The following ADAMTS17 variants were observed in gnomAD, a reference collection of about 807,000 sequenced individuals.
ADAMTS17 encodes the protein A disintegrin and metalloproteinase with thrombospondin motifs 17.
Under a neutral mutation model 141.5 loss-of-function variants are expected in ADAMTS17, and 113 were observed. That is an observed-to-expected ratio of 0.80 (90% CI 0.69 to 0.93). The LOEUF is 0.93. ADAMTS17 is among the 40% of genes least tolerant of loss of function. The probability of loss-of-function intolerance (pLI) is 0.00; values close to 1 mark genes in which losing one functional copy is unlikely to be tolerated. For synonymous variants in ADAMTS17, 768 were observed against 630.6 expected, an observed-to-expected ratio of 1.22 and a Z score of -3.27; for missense variants, 1,659 against 1,517.9, an observed-to-expected ratio of 1.09 and a Z score of -1.54.
intron 7 of ADAMTS17, among the ~76,000 whole-genome samples, chr15:100,208,820 G>C (rs977111442): frequency 2.6e-5 from 4 of 152,188 alleles, no homozygotes; most frequent in Admixed American, 6.5e-5. Context: ...ATTTAGATAA[G>C]GGTATGTCTT....
intron 18 of ADAMTS17, among the ~76,000 whole-genome samples, chr15:100,048,052 C>G (rs373280208): frequency 2.0e-5 from 3 of 152,160 alleles, no homozygotes; most frequent in African/African-American, 4.8e-5. Context: ...GGTGCAAAAG[C>G]CAAATATGTT....
chr15:100,110,866 CCT>C (rs1469504801), intron 13 of ADAMTS17, among the ~76,000 whole-genome samples: 1 of 152,114 alleles, frequency 6.6e-6, no homozygotes, highest in Non-Finnish European at 1.5e-5. Flanking sequence ...CTGCAGAGTT[CCT>C]GTCAGAGCAG....
chr15:99,985,409 A>G (rs982170629), intron 20 of ADAMTS17, among the ~76,000 whole-genome samples: 6 of 152,220 alleles, frequency 3.9e-5, no homozygotes, highest in African/African-American at 1.4e-4. Context: ...ATATTCTTCA[A>G]TAAGGACTCA....
At position 99,992,568 on chromosome 15, in the gene ADAMTS17, T is replaced by C. The variant is rs142562563; in HGVS notation, c.2949+480A>G. On this transcript the variant is annotated intron_variant, in intron 20 of 21. Coordinates refer to ENST00000268070, the MANE Select transcript of ADAMTS17 (RefSeq NM_139057.4). ...TATTCACCCTTGCTCTCGGGAGTGC[T>C]GACCCGGCGGTTCTGTGATACTCCT... Among the ~76,000 whole-genome samples, 68 of 152,366 alleles carry C rather than the reference T, an allele frequency of 4.5e-4. 1 individual carries two copies. Among genetic ancestry groups the C allele is most frequent in the African/African-American group, 1.6e-3 (67 of 41,574 alleles).
chr15:100,248,773 G>A (rs539579391), intron 7 of ADAMTS17, among the ~76,000 whole-genome samples: 2 of 152,070 alleles, frequency 1.3e-5, no homozygotes, highest in East Asian at 3.9e-4. Context: ...GGTGCCAGGA[G>A]GGAAGGAGGA....
intron 7 of ADAMTS17, among the ~76,000 whole-genome samples, chr15:100,245,123 T>C (rs1215306225): frequency 6.6e-6 from 1 of 152,208 alleles, no homozygotes; most frequent in Non-Finnish European, 1.5e-5. Flanking sequence ...ACACTCCTTC[T>C]ACTCTTGTCA....
chr15:100,296,362 G>A (rs964647797), intron 3 of ADAMTS17, among the ~76,000 whole-genome samples: 18 of 152,136 alleles, frequency 1.2e-4, no homozygotes, highest in African/African-American at 4.3e-4. Context: ...GCCAGGTGAA[G>A]TTTTCCACAG....
At chr15:100,122,459 A>G (rs28756039) in intron 12 of ADAMTS17, among the ~76,000 whole-genome samples, 4,064 of 152,278 alleles carry the variant, frequency 0.027, 169 homozygotes, top group African/African-American at 0.093. Context: ...GACTGTCTCT[A>G]TAACACAGGG....
intron 4 of ADAMTS17, among the ~76,000 whole-genome samples, chr15:100,271,461 T>C (rs1261037236): frequency 1.3e-5 from 2 of 152,236 alleles, no homozygotes; most frequent in Non-Finnish European, 2.9e-5. Context: ...TACTTTATTA[T>C]AGTTTTAATT....
chr15:100,262,308 A>G (rs757015284), intron 5 of ADAMTS17, 44 bp downstream of exon 5: 6 of 1,572,282 alleles, frequency 3.8e-6, no homozygotes, highest in Non-Finnish European at 5.3e-6. Flanking sequence ...GCTCCAGCCC[A>G]GCCACATTTT....
chr15:100,152,648 C>T lies in ADAMTS17; in HGVS notation c.1437G>A (p.Leu479=). 6.2e-7 allele frequency: 1 copy of T among 1,614,132 alleles called. No individual in the cohort carries two copies. Among genetic ancestry groups the T allele is most frequent in the South Asian group, 1.1e-5 (1 of 91,082 alleles). ...TGCAGAAGGTGGCATTCATGCCAAA[C>T]AGGATCTGGCACTGCTCGTTGGCAC... ...HYSANEQCQI[L]FGMNATFCRN... is the part of the protein sequence containing the mutation. Residue 479 remains leucine, a synonymous_variant, in exon 10 of 22, where the codon CTG becomes CTA. Transcript: ENST00000268070.
At chr15:100,209,470 G>C (rs548726231) in intron 7 of ADAMTS17, among the ~76,000 whole-genome samples, 1 of 152,158 alleles carries the variant, frequency 6.6e-6, no homozygotes, top group Admixed American at 6.5e-5. Context: ...CATCATTTGG[G>C]TGTTGACTCA....
intron 21 of ADAMTS17, 110 bp downstream of exon 21, chr15:99,975,935 T>G: frequency 8.2e-7 from 1 of 1,215,720 alleles, no homozygotes; most frequent in Non-Finnish European, 1.1e-6. Flanking sequence ...ATGTGACAAG[T>G]GAGGCCCAAG....
At chr15:100,064,066 G>A (rs1260449319) in intron 15 of ADAMTS17, among the ~76,000 whole-genome samples, 2 of 152,158 alleles carry the variant, frequency 1.3e-5, no homozygotes, top group South Asian at 2.1e-4. Context: ...ATATTAAGAT[G>A]AGGTCATCCT....
chr15:99,985,222 A>G lies in ADAMTS17; in HGVS notation c.2949+7826T>C, dbSNP rs192053185. On this transcript the variant is annotated intron_variant, in intron 20 of 21. Coordinates refer to ENST00000268070, the MANE Select transcript of ADAMTS17 (RefSeq NM_139057.4). ...TTGCCCCTGCCCAGAAAAGCACTGA[A>G]TTTTGGTCACTGCCTTTCACGGGCT... is the stretch of plus-strand genomic sequence containing the variant. Among the ~76,000 whole-genome samples, 5 of 152,280 alleles carry G rather than the reference A, an allele frequency of 3.3e-5. No individual in the cohort carries two copies. In the East Asian group the frequency reaches 7.7e-4, roughly 24 times the overall value.
chr15:100,083,147 G>A (rs1461408027), intron 15 of ADAMTS17, among the ~76,000 whole-genome samples: 1 of 152,172 alleles, frequency 6.6e-6, no homozygotes, highest in Non-Finnish European at 1.5e-5. Flanking sequence ...CTTCCCCGCA[G>A]GAGCCTGAAG....
chr15:100,033,471 C>A (rs2030386065), intron 18 of ADAMTS17, among the ~76,000 whole-genome samples: 1 of 152,204 alleles, frequency 6.6e-6, no homozygotes, highest in South Asian at 2.1e-4. Context: ...TAGCTGAGAG[C>A]AGAATGGGTT....
intron 21 of ADAMTS17, among the ~76,000 whole-genome samples, chr15:99,975,375 G>A (rs1278776318): frequency 6.6e-6 from 1 of 152,052 alleles, no homozygotes; most frequent in Non-Finnish European, 1.5e-5. Flanking sequence ...ACGCCCGGCT[G>A]ATTTTTGTAT....
intron 20 of ADAMTS17, among the ~76,000 whole-genome samples, chr15:99,992,104 G>A (rs2060701497): frequency 6.6e-6 from 1 of 152,048 alleles, no homozygotes; most frequent in Non-Finnish European, 1.5e-5. Context: ...ATGGGTTGAT[G>A]GGCGCAGCAA....
Sources: allele counts gnomAD v4.1 joint callset (sites outside exome capture counted in the v4.1 genomes callset), GRCh38; gene constraint gnomAD v4.1.1; transcripts MANE v1.5; gene names NCBI Gene and HGNC (gene_info 2026-07-23, HGNC 2026-07-21).